MARCHF11: variants seen among roughly 807,000 people sequenced by gnomAD.
The protein encoded by MARCHF11 is membrane associated ring-CH-type finger 11.
In MARCHF11, 29 loss-of-function variants were observed where a neutral mutation model predicts 37.3. The observed-to-expected ratio is 0.78, with a 90% confidence interval of 0.58 to 1.06. MARCHF11 has a LOEUF of 1.06. MARCHF11 is among the 50% of genes least tolerant of loss of function. The pLI is 0.00. For missense variants in MARCHF11, 482 were observed against 533.4 expected (o/e 0.90, Z 0.95); for synonymous variants, 233 against 228.0 (o/e 1.02, Z -0.20).
intron 2 of MARCHF11, among the ~76,000 whole-genome samples, chr5:16,113,134 A>C (rs753895307): frequency 6.6e-6 from 1 of 152,194 alleles, no homozygotes; most frequent in Non-Finnish European, 1.5e-5. Context: ...CAAGAAATGC[A>C]TGATATATTC....
chr5:16,116,604 T>C (rs1196387057), intron 2 of MARCHF11, among the ~76,000 whole-genome samples: 1 of 152,018 alleles, frequency 6.6e-6, no homozygotes, highest in African/African-American at 2.4e-5. Context: ...GATGCCATAG[T>C]GACTTTAGAA....
chr5:16,138,453 A>G (rs1737646662), intron 2 of MARCHF11, among the ~76,000 whole-genome samples: 1 of 152,234 alleles, frequency 6.6e-6, no homozygotes, highest in African/African-American at 2.4e-5. Context: ...ATGTCCAAGC[A>G]AAAGTTTATT....
At chr5:16,093,491 G>A (rs1736817649) in intron 2 of MARCHF11, among the ~76,000 whole-genome samples, 1 of 152,108 alleles carries the variant, frequency 6.6e-6, no homozygotes, top group African/African-American at 2.4e-5. Context: ...GGATGCACTG[G>A]CTGTAGTGTT....
chr5:16,087,758 A>G (rs766306618), intron 3 of MARCHF11, among the ~76,000 whole-genome samples: 3 of 152,224 alleles, frequency 2.0e-5, no homozygotes, highest in Non-Finnish European at 4.4e-5. Context: ...AAGAAACTGT[A>G]TTAATTATGA....
intron 2 of MARCHF11, among the ~76,000 whole-genome samples, chr5:16,130,975 TGATAA>T (rs1737505617): frequency 6.6e-6 from 1 of 152,178 alleles, no homozygotes; most frequent in South Asian, 2.1e-4. Context: ...CATTTTAAGT[TGATAA>T]GATAATGTTG....
At chr5:16,097,064 G>A (rs1357470671) in intron 2 of MARCHF11, among the ~76,000 whole-genome samples, 1 of 152,156 alleles carries the variant, frequency 6.6e-6, no homozygotes, top group Non-Finnish European at 1.5e-5. Context: ...GCTATGACAG[G>A]TGGGATCACT....
chr5:16,123,958 G>T (rs894397807), intron 2 of MARCHF11, among the ~76,000 whole-genome samples: 2 of 152,096 alleles, frequency 1.3e-5, no homozygotes, highest in Non-Finnish European at 2.9e-5. Flanking sequence ...TCAGGACTGT[G>T]TGGGGGAAGT....
At chr5:16,160,345 T>A (rs1206544708) in intron 2 of MARCHF11, among the ~76,000 whole-genome samples, 1 of 145,434 alleles carries the variant, frequency 6.9e-6, no homozygotes, top group Non-Finnish European at 1.5e-5. Context: ...ATATATTAAT[T>A]ATATATTAAA....
chr5:16,150,923 A>G (rs1272774576), intron 2 of MARCHF11, among the ~76,000 whole-genome samples: 1 of 152,040 alleles, frequency 6.6e-6, no homozygotes, highest in African/African-American at 2.4e-5. Flanking sequence ...CTCTACACCC[A>G]TTCAGATCCT....
Position 16,179,152 on chromosome 5 carries a change from G to A in MARCHF11, c.424C>T (p.Arg142Cys). 6.9e-7 allele frequency: 1 copy of A among 1,453,142 alleles called. No homozygotes were observed. The highest frequency in any genetic ancestry group is 2.6e-5 in the Admixed American group (1 of 38,958). The allele number at this position is 1,453,142 out of a possible 1,614,324, so 90.0% of individuals were successfully genotyped here. The change falls in exon 1 of 4, where the codon CGC (arginine) becomes TGC (cysteine). Residue 142 changes from arginine (R) to cysteine (C), a missense_variant. Physicochemically the swap from Arg to Cys is radical, Grantham distance 180 (BLOSUM62 -3). Transcript: ENST00000332432. The part of the protein sequence containing the change: ...RRGAGDQPET[R>C]SVCSSRSSSS... Reference sequence around the variant, plus strand: ...CTGCTGCGGCTGCTGCACACCGAGCGCGTCTCGGGCTGGTCTCCGGCGCCC... The same window carrying A: ...CTGCTGCGGCTGCTGCACACCGAGCACGTCTCGGGCTGGTCTCCGGCGCCC...
chr5:16,071,602 A>G (rs1736438263), intron 3 of MARCHF11, among the ~76,000 whole-genome samples: 1 of 152,230 alleles, frequency 6.6e-6, no homozygotes, highest in African/African-American at 2.4e-5. Flanking sequence ...AAGGCTATCC[A>G]GGTACATATG....
intron 2 of MARCHF11, among the ~76,000 whole-genome samples, chr5:16,138,431 G>A (rs1389436665): frequency 6.6e-6 from 1 of 152,216 alleles, no homozygotes; most frequent in Non-Finnish European, 1.5e-5. Context: ...GCATATGTAT[G>A]GAAATGCCTG....
chr5:16,169,738 A>G (rs1738227794), intron 2 of MARCHF11, among the ~76,000 whole-genome samples: 1 of 152,120 alleles, frequency 6.6e-6, no homozygotes, highest in African/African-American at 2.4e-5. Flanking sequence ...ACCACAGTGC[A>G]GTTTTTCTTG....
intron 2 of MARCHF11, among the ~76,000 whole-genome samples, chr5:16,165,405 AC>A (rs1738152685): frequency 6.6e-6 from 1 of 152,264 alleles, no homozygotes; most frequent in South Asian, 2.1e-4. Context: ...CAATGCTGGT[AC>A]ATTACTATTG....
At chr5:16,113,432 A>G (rs955576231) in intron 2 of MARCHF11, among the ~76,000 whole-genome samples, 1 of 152,144 alleles carries the variant, frequency 6.6e-6, no homozygotes, top group South Asian at 2.1e-4. Flanking sequence ...TACTGAAGAG[A>G]CTCAATGTTA....
intron 3 of MARCHF11, among the ~76,000 whole-genome samples, chr5:16,077,839 C>T (rs907975969): frequency 2.6e-5 from 4 of 152,062 alleles, no homozygotes; most frequent in African/African-American, 7.2e-5. Flanking sequence ...TGGTGTATTC[C>T]GTGTTTTCCA....
At chr5:16,172,452 T>C (rs1480569791) in intron 2 of MARCHF11, among the ~76,000 whole-genome samples, 1 of 152,186 alleles carries the variant, frequency 6.6e-6, no homozygotes, top group Non-Finnish European at 1.5e-5. Flanking sequence ...TCCCCTCAGC[T>C]TGTCATTTGC....
chr5:16,090,421 G>C (rs753528706), intron 3 of MARCHF11, among the ~76,000 whole-genome samples: 4 of 152,108 alleles, frequency 2.6e-5, no homozygotes, highest in Admixed American at 1.3e-4. Flanking sequence ...AACCTTCCAA[G>C]GGGTCCCTTT....
rs1016361839 is a variant in MARCHF11, at chr5:16,179,225, G to A, written c.351C>T (p.Gly117=). 7.2e-5 allele frequency: 97 copies of A among 1,347,672 alleles called. No homozygotes were observed. The highest frequency in any genetic ancestry group is 9.0e-5 in the Non-Finnish European group (95 of 1,051,128). 83.5% of individuals were successfully genotyped at this position (1,347,672 alleles called of 1,614,324 possible). ...RRLPEAAAAK[G]GPGESEAGAG... ...CGCCGGCCTCAGACTCCCCGGGGCC[G>A]CCTTTCGCTGCTGCCGCCTCCGGGA... The change falls in exon 1 of 4, where the codon GGC becomes GGT. Residue 117 remains glycine (G), a synonymous_variant. Transcript: ENST00000332432.
Sources: allele counts gnomAD v4.1 joint callset (sites outside exome capture counted in the v4.1 genomes callset), GRCh38; gene constraint gnomAD v4.1.1; transcripts MANE v1.5; gene names NCBI Gene and HGNC (gene_info 2026-07-23, HGNC 2026-07-21).